KCNH8: variants seen among roughly 807,000 people sequenced by gnomAD.
The protein encoded by KCNH8 is potassium voltage-gated channel subfamily H member 8, also known as voltage-gated delayed rectifier potassium channel KCNH8.
Under a neutral mutation model 103.6 loss-of-function variants are expected in KCNH8, and 70 were observed. The ratio of observed to expected loss-of-function variants is 0.68; its 90% confidence interval spans 0.56 to 0.82. KCNH8 has a LOEUF of 0.82. Ranked by LOEUF, KCNH8 falls within the 40% of genes least tolerant of loss-of-function variation. The probability of loss-of-function intolerance (pLI) is 0.00; values close to 1 mark genes in which losing one functional copy is unlikely to be tolerated. For missense variants in KCNH8, 1,217 were observed against 1,329.9 expected (o/e 0.92, Z 1.32); for synonymous variants, 498 against 489.4 (o/e 1.02, Z -0.23).
chr3:19,285,821 C>T (rs1226922738), intron 3 of KCNH8, among the ~76,000 whole-genome samples: 1 of 152,026 alleles, frequency 6.6e-6, no homozygotes, highest in African/African-American at 2.4e-5. Flanking sequence ...TTATGGTGGA[C>T]ACAGATCCAG....
chr3:19,403,361 AATATATATATATATATATATATAT>A (rs57523893), intron 7 of KCNH8, among the ~76,000 whole-genome samples: 4 of 124,644 alleles, frequency 3.2e-5, no homozygotes, highest in South Asian at 2.6e-4. Context: ...ATATGTAAAG[AATATATATATATATATATATATAT>A]ATATATATAT....
At chr3:19,269,702 CA>C (rs2064561271) in intron 2 of KCNH8, among the ~76,000 whole-genome samples, 1 of 152,118 alleles carries the variant, frequency 6.6e-6, no homozygotes, top group Non-Finnish European at 1.5e-5. Flanking sequence ...CTTTGTAATG[CA>C]GCTGAGAAAG....
chr3:19,415,827 T>G (rs1232451923), intron 7 of KCNH8, among the ~76,000 whole-genome samples: 2 of 152,134 alleles, frequency 1.3e-5, no homozygotes, highest in Non-Finnish European at 2.9e-5. Flanking sequence ...GTTTTATATA[T>G]TCTTTCCCCA....
chr3:19,476,188 T>C (rs1478999864), intron 11 of KCNH8, among the ~76,000 whole-genome samples: 2 of 152,200 alleles, frequency 1.3e-5, no homozygotes, highest in Non-Finnish European at 2.9e-5. Flanking sequence ...TTGTGGCTAA[T>C]TGAGCTTAAC....
intron 2 of KCNH8, among the ~76,000 whole-genome samples, chr3:19,280,044 GCAA>G (rs900134536): frequency 6.6e-6 from 1 of 152,020 alleles, no homozygotes; most frequent in Admixed American, 6.6e-5. Context: ...TAGTTTTTAA[GCAA>G]CAACAACTTT....
chr3:19,289,835 G>C (rs1271351390), intron 3 of KCNH8, among the ~76,000 whole-genome samples: 3 of 152,140 alleles, frequency 2.0e-5, no homozygotes, highest in African/African-American at 7.2e-5. Context: ...ATTACCTTGG[G>C]CAGTATGGCC....
intron 15 of KCNH8, among the ~76,000 whole-genome samples, chr3:19,521,157 G>A (rs2068965022): frequency 6.6e-6 from 1 of 151,988 alleles, no homozygotes; most frequent in African/African-American, 2.4e-5. Flanking sequence ...GAAGGTTAGA[G>A]TGCATTCTCA....
chr3:19,477,159 C>T (rs1405927364), intron 11 of KCNH8, among the ~76,000 whole-genome samples: 2 of 152,138 alleles, frequency 1.3e-5, no homozygotes, highest in East Asian at 3.9e-4. Flanking sequence ...AAGTATATGG[C>T]CTATTTATTA....
At chr3:19,382,989 A>T (rs1488551848) in intron 5 of KCNH8, among the ~76,000 whole-genome samples, 3 of 152,112 alleles carry the variant, frequency 2.0e-5, no homozygotes, top group African/African-American at 7.2e-5. Context: ...AGGAGAAGAA[A>T]ATGTGAGAAA....
intron 11 of KCNH8, among the ~76,000 whole-genome samples, chr3:19,459,683 G>A (rs1184313235): frequency 6.6e-6 from 1 of 152,042 alleles, no homozygotes; most frequent in East Asian, 1.9e-4. Flanking sequence ...CCAGACCAAT[G>A]TCATGGAGCT....
intron 11 of KCNH8, among the ~76,000 whole-genome samples, chr3:19,483,707 C>G (rs534437924): frequency 1.1e-4 from 17 of 152,220 alleles, no homozygotes; most frequent in Non-Finnish European, 2.4e-4. Flanking sequence ...CTCAGGAGAG[C>G]GTTTGTAAAC....
Position 19,534,238 on chromosome 3 carries a change from A to G in KCNH8, c.*139A>G, listed in dbSNP as rs1034301505. The G allele has an allele frequency of 1.6e-6, 1 of 638,406 alleles. No homozygotes were observed. Among genetic ancestry groups the G allele is most frequent in the Non-Finnish European group, 2.7e-6 (1 of 367,662 alleles). 39.5% of individuals were successfully genotyped at this position (638,406 alleles called of 1,614,324 possible). ...GAAAAGAGTGTGAGGAGCCAGGGAAAGGCAGAACCACCTCCATGCTGTAGC... is the reference window on the plus strand; with the variant it reads ...GAAAAGAGTGTGAGGAGCCAGGGAAGGGCAGAACCACCTCCATGCTGTAGC... On this transcript the variant is annotated 3_prime_UTR_variant, in exon 16 of 16. Coordinates refer to ENST00000328405, the MANE Select transcript of KCNH8 (RefSeq NM_144633.3).
intron 5 of KCNH8, among the ~76,000 whole-genome samples, chr3:19,386,067 CT>C (rs955285179): frequency 1.3e-5 from 2 of 152,000 alleles, no homozygotes; most frequent in Non-Finnish European, 2.9e-5. Context: ...AATTTAACCT[CT>C]TTTTTTGTGC....
chr3:19,227,535 C>T (rs2063945448), intron 1 of KCNH8, among the ~76,000 whole-genome samples: 1 of 152,120 alleles, frequency 6.6e-6, no homozygotes. Context: ...CAGTCCAGAG[C>T]TTGAGAAGGA....
intron 3 of KCNH8, among the ~76,000 whole-genome samples, chr3:19,333,625 A>G (rs2065541822): frequency 6.6e-6 from 1 of 152,154 alleles, no homozygotes; most frequent in African/African-American, 2.4e-5. Flanking sequence ...CTGTTGTACA[A>G]TTCAATACGT....
chr3:19,512,879 G>T, intron 12 of KCNH8, 91 bp from the exon 13 acceptor site: 1 of 1,123,312 alleles, frequency 8.9e-7, no homozygotes, highest in South Asian at 1.5e-5. Flanking sequence ...TAAGAGATTT[G>T]ACTTTGTTCT....
intron 15 of KCNH8, among the ~76,000 whole-genome samples, chr3:19,526,961 A>G (rs2069075895): frequency 6.6e-6 from 1 of 151,970 alleles, no homozygotes; most frequent in African/African-American, 2.4e-5. Context: ...AGAGCAATAA[A>G]TACATGTAGT....
At chr3:19,172,548 T>C (rs1331902163) in intron 1 of KCNH8, among the ~76,000 whole-genome samples, 1 of 152,246 alleles carries the variant, frequency 6.6e-6, no homozygotes, top group African/African-American at 2.4e-5. Context: ...ATCACTGTTG[T>C]CATCTTTGTC....
At chr3:19,195,029 T>C (rs2063587397) in intron 1 of KCNH8, among the ~76,000 whole-genome samples, 1 of 151,802 alleles carries the variant, frequency 6.6e-6, no homozygotes, top group South Asian at 2.1e-4. Context: ...ACTGAAGTGA[T>C]AGAAAAAAAT....
Sources: allele counts gnomAD v4.1 joint callset (sites outside exome capture counted in the v4.1 genomes callset), GRCh38; gene constraint gnomAD v4.1.1; transcripts MANE v1.5; gene names NCBI Gene and HGNC (gene_info 2026-07-23, HGNC 2026-07-21).